Variants in PRPSAP2 observed in about 807,000 individuals in gnomAD.
PRPSAP2 encodes phosphoribosyl pyrophosphate synthase-associated protein 2.
PRPSAP2 carries 24 observed loss-of-function variants against 40.6 expected under a neutral mutation model. That is an observed-to-expected ratio of 0.59 (90% confidence interval 0.43 to 0.83). The LOEUF is 0.83. PRPSAP2 is among the 40% of genes least tolerant of loss of function. The probability of loss-of-function intolerance (pLI) is 0.00; values close to 1 mark genes in which losing one functional copy is unlikely to be tolerated. For missense variants in PRPSAP2, 292 were observed against 465.6 expected (o/e 0.63, Z 3.43); for synonymous variants, 149 against 164.7 (o/e 0.90, Z 0.73).
intron 8 of PRPSAP2, among the ~76,000 whole-genome samples, chr17:18,901,084 G>A (rs537344779): frequency 6.6e-4 from 100 of 152,222 alleles, no homozygotes; most frequent in African/African-American, 2.4e-3. Flanking sequence ...CTCATGCGGC[G>A]GAAATGTGGC....
In PRPSAP2 at chr17:18,877,740, T is replaced by C. The variant is rs372620138; in HGVS notation, c.282T>C (p.Tyr94=). ...TTIMELLIMV[Y]ACKTSCAKSI... The stretch of plus-strand genomic sequence containing the variant: ...TCATGGAGCTCCTGATCATGGTGTA[T>C]GCATGTAAGACCTCTTGTGCCAAGA... Residue 94 remains tyrosine (Y), a synonymous_variant, in exon 6 of 12, where the codon TAT becomes TAC. Coordinates refer to ENST00000268835, the MANE Select transcript of PRPSAP2 (RefSeq NM_002767.4). 1.2e-6 allele frequency: 2 copies of C among 1,613,680 alleles called. No individual in the cohort carries two copies. The highest frequency in any genetic ancestry group is 1.7e-6 in the Non-Finnish European group (2 of 1,179,944).
rs2040941598 is a variant in PRPSAP2 at position 18,911,255 on chromosome 17, A to C, written c.733+4A>C. 19 of 1,604,160 alleles carry C rather than the reference A, an allele frequency of 1.2e-5. No individual in the cohort carries two copies. The highest frequency in any genetic ancestry group is 1.6e-5 in the Non-Finnish European group (19 of 1,173,108). On this transcript the variant is annotated splice_donor_region_variant and intron_variant, in intron 9 of 11. Coordinates refer to ENST00000268835, the MANE Select transcript of PRPSAP2 (RefSeq NM_002767.4). The surrounding 1 kb of genome is among the most constrained non-coding windows in gnomAD (Gnocchi z 4.5). ...CACCCCAGCCTGGAGATCCCCAGTA[A>C]GTGTGCTGCTGCCTCTTTCCCACTT...
intron 8 of PRPSAP2, among the ~76,000 whole-genome samples, chr17:18,907,441 C>T (rs2040665659): frequency 6.6e-6 from 1 of 152,094 alleles, no homozygotes; most frequent in African/African-American, 2.4e-5. Flanking sequence ...TAGATATATC[C>T]ATAATGATAG....
chr17:18,901,406 A>C (rs771489807), intron 8 of PRPSAP2, among the ~76,000 whole-genome samples: 1 of 151,726 alleles, frequency 6.6e-6, no homozygotes, highest in Non-Finnish European at 1.5e-5. Context: ...TTGAGACGGA[A>C]TCTCGCTCTG....
intron 5 of PRPSAP2, among the ~76,000 whole-genome samples, chr17:18,873,279 A>ACCGCAACCTCG (rs59407000): frequency 9.5e-5 from 6 of 62,968 alleles, no homozygotes; most frequent in Non-Finnish European, 2.2e-4. Flanking sequence ...CCGCAACCTC[A>ACCGCAACCTCG]GCTTACCGCA....
chr17:18,909,571 T>C (rs1313785018), intron 8 of PRPSAP2, among the ~76,000 whole-genome samples: 1 of 151,990 alleles, frequency 6.6e-6, no homozygotes, highest in Non-Finnish European at 1.5e-5. Context: ...AAGAGTTAAA[T>C]ATACACCTAC....
At chr17:18,880,208 C>G (rs146264075) in intron 6 of PRPSAP2, among the ~76,000 whole-genome samples, 2 of 152,350 alleles carry the variant, frequency 1.3e-5, no homozygotes, top group African/African-American at 4.8e-5. Flanking sequence ...CCTGCTGAAT[C>G]TTCAGGAAAG....
intron 7 of PRPSAP2, among the ~76,000 whole-genome samples, chr17:18,884,253 C>T (rs991722806): frequency 5.9e-5 from 9 of 151,528 alleles, no homozygotes; most frequent in Non-Finnish European, 7.4e-5. Flanking sequence ...GGTGACAGAG[C>T]GAGACTATCT....
chr17:18,928,888 T>C lies in PRPSAP2; in HGVS notation c.882T>C (p.Phe294=). 1 of 1,614,146 alleles carries C rather than the reference T, an allele frequency of 6.2e-7. No individual in the cohort carries two copies. Among genetic ancestry groups the C allele is most frequent in the Non-Finnish European group, 8.5e-7 (1 of 1,180,000 alleles). The change falls in exon 11 of 12, where the codon TTT becomes TTC. Residue 294 remains phenylalanine, a synonymous_variant. Coordinates refer to ENST00000268835, the MANE Select transcript of PRPSAP2 (RefSeq NM_002767.4). ...TLKERGAYKI[F]VMATHGLLSS... is the part of the protein sequence containing the mutation. ...AGGAAAGAGGTGCATATAAGATCTTTGTGATGGCAACTCATGGCTTGTTGT... is the reference window on the plus strand; with the variant it reads ...AGGAAAGAGGTGCATATAAGATCTTCGTGATGGCAACTCATGGCTTGTTGT...
intron 7 of PRPSAP2, among the ~76,000 whole-genome samples, chr17:18,884,483 G>A (rs142511878): frequency 0.025 from 3,727 of 152,084 alleles, 63 homozygotes; most frequent in Non-Finnish European, 0.036. Context: ...GAGACTAGAG[G>A]TGTGCCACCA....
At chr17:18,913,461 T>C (rs1158160377) in intron 9 of PRPSAP2, among the ~76,000 whole-genome samples, 1 of 151,712 alleles carries the variant, frequency 6.6e-6, no homozygotes, top group South Asian at 2.1e-4. Context: ...TCTAGGCTTA[T>C]GATGAGATGG....
intron 6 of PRPSAP2, 65 bp from the exon 7 acceptor site, chr17:18,882,503 C>T: frequency 9.6e-7 from 1 of 1,041,190 alleles, no homozygotes. Flanking sequence ...AGAATGGGAT[C>T]CCATCTTAAA....
chr17:18,908,838 C>T, intron 8 of PRPSAP2: 2 of 700,864 alleles, frequency 2.9e-6, no homozygotes, highest in Non-Finnish European at 2.6e-6. Flanking sequence ...AGGAGGAAAC[C>T]AAGGAGGATG....
At chr17:18,872,560 C>T (rs1567678269) in intron 4 of PRPSAP2, 23 bp from the exon 5 acceptor site, 2 of 1,541,284 alleles carry the variant, frequency 1.3e-6, no homozygotes, top group Middle Eastern at 1.7e-4. Flanking sequence ...CTTTCCCTCT[C>T]TTCTTTTTCC....
chr17:18,929,041 AC>A (rs747203450), intron 11 of PRPSAP2, 84 bp downstream of exon 11: 16 of 1,522,452 alleles, frequency 1.1e-5, no homozygotes, highest in Non-Finnish European at 1.3e-5. Context: ...TCAGGACAAG[AC>A]TGAGATCTTT....
At chr17:18,882,952 C>G (rs2038869926) in intron 7 of PRPSAP2, among the ~76,000 whole-genome samples, 1 of 152,138 alleles carries the variant, frequency 6.6e-6, no homozygotes, top group African/African-American at 2.4e-5. Context: ...ACTCTCATTA[C>G]TAGTCTATGC....
chr17:18,873,308 C>T (rs1445313623), intron 5 of PRPSAP2, among the ~76,000 whole-genome samples: 4 of 150,908 alleles, frequency 2.7e-5, no homozygotes, highest in Non-Finnish European at 5.9e-5. Context: ...TTCCCAGGTT[C>T]AAGCAATTCT....
At chr17:18,883,788 T>A (rs77611779) in intron 7 of PRPSAP2, among the ~76,000 whole-genome samples, 13,027 of 152,196 alleles carry the variant, frequency 0.086, 648 homozygotes, top group African/African-American at 0.13. Context: ...CTTTTTACAG[T>A]ACTGTATTTA....
At chr17:18,908,424 C>T (rs994588886) in intron 8 of PRPSAP2, 98 of 757,610 alleles carry the variant, frequency 1.3e-4, no homozygotes, top group African/African-American at 6.7e-4. Context: ...AAAATGCAGA[C>T]GAAACTGTTC....
Sources: allele counts gnomAD v4.1 joint callset (sites outside exome capture counted in the v4.1 genomes callset), GRCh38; gene constraint gnomAD v4.1.1; non-coding constraint Gnocchi (gnomAD v3.1); transcripts MANE v1.5; gene names NCBI Gene and HGNC (gene_info 2026-07-23, HGNC 2026-07-21).